GLIS3: variants seen among roughly 807,000 people sequenced by gnomAD.
GLIS3 encodes the protein GLIS family zinc finger 3, also known as zinc finger protein GLIS3.
A neutral mutation model predicts 78.6 loss-of-function variants in GLIS3; 53 were observed. That is an observed-to-expected ratio of 0.67 (90% confidence interval 0.54 to 0.85). The LOEUF is 0.85. Ranked by LOEUF, GLIS3 falls within the 40% of genes least tolerant of loss-of-function variation. The probability of loss-of-function intolerance (pLI) is 0.00; values close to 1 mark genes in which losing one functional copy is unlikely to be tolerated. For synonymous variants in GLIS3, 684 were observed against 509.9 expected (o/e 1.34, Z -4.60); for missense variants, 1,703 against 1,231.1 (o/e 1.38, Z -5.74).
At chr9:4,250,806 GT>G (rs1195038821) in intron 2 of GLIS3, among the ~76,000 whole-genome samples, 1 of 152,098 alleles carries the variant, frequency 6.6e-6, no homozygotes, top group Non-Finnish European at 1.5e-5. Flanking sequence ...ATTCTGGTAC[GT>G]TGTGTCTTTG....
intron 4 of GLIS3, among the ~76,000 whole-genome samples, chr9:3,954,297 C>A (rs746587454): frequency 6.6e-6 from 1 of 152,176 alleles, no homozygotes. Context: ...AGAAGCTCCT[C>A]GATAAAGAGG....
At chr9:4,473,278 T>C in the GLIS3 span, among the ~76,000 whole-genome samples, 1 of 151,876 alleles carries the variant, frequency 6.6e-6, no homozygotes, top group Non-Finnish European at 1.5e-5. Flanking sequence ...AAACCTTGTC[T>C]CTACTAAAAA....
At chr9:3,886,997 C>G (rs1159246111) in intron 7 of GLIS3, among the ~76,000 whole-genome samples, 1 of 152,192 alleles carries the variant, frequency 6.6e-6, no homozygotes, top group Non-Finnish European at 1.5e-5. Flanking sequence ...ATTCCACATC[C>G]TACCTGTATT....
the GLIS3 span, among the ~76,000 whole-genome samples, chr9:4,475,830 C>A: frequency 6.6e-6 from 1 of 152,144 alleles, no homozygotes; most frequent in African/African-American, 2.4e-5. Context: ...TCGCTACCTA[C>A]AGTGGGAGAG....
At chr9:4,397,126 C>A in the GLIS3 span, among the ~76,000 whole-genome samples, 1 of 139,302 alleles carries the variant, frequency 7.2e-6, no homozygotes, top group Non-Finnish European at 1.5e-5. Flanking sequence ...CCTGGGTTCA[C>A]GCCATTCTCC....
intron 4 of GLIS3, among the ~76,000 whole-genome samples, chr9:4,097,969 T>A (rs150643008): frequency 6.6e-6 from 1 of 152,212 alleles, no homozygotes; most frequent in Admixed American, 6.5e-5. Flanking sequence ...TTGGTATTTG[T>A]CATATTACTC....
At chr9:4,462,838 G>C in the GLIS3 span, among the ~76,000 whole-genome samples, 1 of 152,108 alleles carries the variant, frequency 6.6e-6, no homozygotes, top group Non-Finnish European at 1.5e-5. Context: ...AAAAAGTCTG[G>C]TCCTTCATCC....
intron 2 of GLIS3, among the ~76,000 whole-genome samples, chr9:4,343,306 C>T (rs1220066809): frequency 2.0e-5 from 3 of 152,192 alleles, no homozygotes; most frequent in African/African-American, 7.2e-5. Context: ...TGTGCCACTG[C>T]ACTCCAGCAT....
chr9:4,091,445 GAAATAA>G (rs1234049332), intron 4 of GLIS3, among the ~76,000 whole-genome samples: 1 of 151,968 alleles, frequency 6.6e-6, no homozygotes, highest in Non-Finnish European at 1.5e-5. Flanking sequence ...ATCCTTAGTG[GAAATAA>G]AAATAAAAAC....
At chr9:4,453,354 A>AC in the GLIS3 span, among the ~76,000 whole-genome samples, 28 of 139,040 alleles carry the variant, frequency 2.0e-4, no homozygotes, top group Non-Finnish European at 3.6e-4. Context: ...GCAAAAAAAA[A>AC]AAAAAAAAAA....
chr9:4,133,291 G>A (rs1377581863), intron 2 of GLIS3, among the ~76,000 whole-genome samples: 1 of 152,110 alleles, frequency 6.6e-6, no homozygotes. Flanking sequence ...TATGTAATAT[G>A]CCATCTACAC....
chr9:3,956,028 CAAAAAAAA>C (rs5896037), intron 4 of GLIS3, among the ~76,000 whole-genome samples: 1 of 87,630 alleles, frequency 1.1e-5, no homozygotes, highest in Non-Finnish European at 2.3e-5. Context: ...CCAGATTCAG[CAAAAAAAA>C]AAAAAAAAAA....
chr9:4,238,134 G>A (rs1476101164), intron 2 of GLIS3, among the ~76,000 whole-genome samples: 1 of 152,156 alleles, frequency 6.6e-6, no homozygotes, highest in East Asian at 1.9e-4. Context: ...AAAAGCAACT[G>A]GGACTTCTCG....
chr9:4,320,395 C>G (rs745569646), intron 2 of GLIS3, among the ~76,000 whole-genome samples: 1 of 152,166 alleles, frequency 6.6e-6, no homozygotes, highest in East Asian at 1.9e-4. Flanking sequence ...TTCACCATGC[C>G]TCAAACTGAA....
chr9:4,143,142 G>A (rs1429323631), intron 2 of GLIS3, among the ~76,000 whole-genome samples: 1 of 152,068 alleles, frequency 6.6e-6, no homozygotes, highest in African/African-American at 2.4e-5. Flanking sequence ...ATAATGTGAT[G>A]ATTTGACATA....
the GLIS3 span, among the ~76,000 whole-genome samples, chr9:4,374,130 A>G: frequency 2.6e-5 from 4 of 152,192 alleles, no homozygotes; most frequent in African/African-American, 9.7e-5. Flanking sequence ...TAATTTTGCT[A>G]CTGAAGGGCA....
intron 4 of GLIS3, among the ~76,000 whole-genome samples, chr9:3,964,544 T>C (rs536232055): frequency 6.6e-5 from 10 of 152,362 alleles, no homozygotes; most frequent in African/African-American, 2.2e-4. Context: ...TCTGATGTTC[T>C]GAAGATGACT....
chr9:4,463,932 TGAGG>T, the GLIS3 span, among the ~76,000 whole-genome samples: 1 of 152,150 alleles, frequency 6.6e-6, no homozygotes, highest in Non-Finnish European at 1.5e-5. Flanking sequence ...GAGTGAGAAC[TGAGG>T]GAGGAAATAC....
At chr9:4,124,219 A>G (rs1051362097) in intron 3 of GLIS3, among the ~76,000 whole-genome samples, 1 of 152,242 alleles carries the variant, frequency 6.6e-6, no homozygotes, top group Non-Finnish European at 1.5e-5. Flanking sequence ...GAAGGACTCA[A>G]ATAATAAATA....
Sources: allele counts gnomAD v4.1 joint callset (sites outside exome capture counted in the v4.1 genomes callset), GRCh38; gene constraint gnomAD v4.1.1; transcripts MANE v1.5; gene names NCBI Gene and HGNC (gene_info 2026-07-23, HGNC 2026-07-21).